Variants in MAP3K20 observed in about 807,000 individuals in gnomAD.
The protein encoded by MAP3K20 is mitogen-activated protein kinase kinase kinase 20, also known as HCCS-4.
A neutral mutation model predicts 85.7 loss-of-function variants in MAP3K20; 40 were observed. The observed-to-expected ratio is 0.47, with a 90% CI of 0.36 to 0.61. The LOEUF is 0.61. Among genes scored for constraint, MAP3K20 ranks in the 20% least tolerant of loss-of-function variants. The pLI is 0.00. For missense variants in MAP3K20, 817 were observed against 961.7 expected (o/e 0.85, Z 1.99); for synonymous variants, 325 against 327.7 (o/e 0.99, Z 0.09).
chr2:173,171,595 A>T (rs758734023), intron 3 of MAP3K20, among the ~76,000 whole-genome samples: 1 of 152,212 alleles, frequency 6.6e-6, no homozygotes, highest in Non-Finnish European at 1.5e-5. Flanking sequence ...CCCCTAGGTC[A>T]TCTCATCTGA....
rs775094923 is a variant in MAP3K20 at position 173,197,985 on chromosome 2, T to C, written c.583-41T>C. ...TCTCAGTAATATGTACCAAAAAATA[T>C]AAAGTACAAAAATAAAAATTCCATT... On this transcript the variant is annotated intron_variant, in intron 7 of 19. Transcript: ENST00000375213. 1.9e-6 allele frequency: 3 copies of C among 1,578,478 alleles called. No homozygotes were observed. In the Admixed American group the frequency reaches 5.2e-5, roughly 27 times the overall value.
chr2:173,229,809 G>T, intron 12 of MAP3K20, 76 bp downstream of exon 12: 1 of 1,503,240 alleles, frequency 6.7e-7, no homozygotes. Flanking sequence ...TTTAGGGGAA[G>T]AGATTGGGCC....
At chr2:173,264,031 C>G (rs1451587357) in intron 19 of MAP3K20, 136 bp downstream of exon 19, 16 of 1,263,316 alleles carry the variant, frequency 1.3e-5, no homozygotes, top group Non-Finnish European at 1.6e-5. Context: ...TAGCAGAAAA[C>G]CCAGTTGCAA....
chr2:173,222,259 G>A, intron 11 of MAP3K20: 1 of 985,848 alleles, frequency 1.0e-6, no homozygotes, highest in Non-Finnish European at 1.2e-6. Flanking sequence ...ACAATACTGA[G>A]ATGATCTAAG....
At chr2:173,123,443 G>A (rs1688355245) in intron 2 of MAP3K20, among the ~76,000 whole-genome samples, 1 of 152,206 alleles carries the variant, frequency 6.6e-6, no homozygotes, top group Non-Finnish European at 1.5e-5. Context: ...TGTGAAGCAT[G>A]TTGAGATTTA....
intron 3 of MAP3K20, among the ~76,000 whole-genome samples, chr2:173,170,287 C>T (rs2106250798): frequency 6.6e-6 from 1 of 152,238 alleles, no homozygotes; most frequent in South Asian, 2.1e-4. Flanking sequence ...ATTTTAATCC[C>T]ATTAGAGCAT....
At chr2:173,177,077 T>C (rs1169907153) in intron 3 of MAP3K20, among the ~76,000 whole-genome samples, 1 of 152,108 alleles carries the variant, frequency 6.6e-6, no homozygotes, top group South Asian at 2.1e-4. Flanking sequence ...AAAGGAGAAA[T>C]AGGCAATTCA....
intron 17 of MAP3K20, among the ~76,000 whole-genome samples, chr2:173,260,417 G>A (rs971011762): frequency 2.0e-5 from 3 of 152,178 alleles, no homozygotes; most frequent in African/African-American, 7.2e-5. Context: ...TTTGAACCCA[G>A]CTCACAGCCA....
intron 7 of MAP3K20, among the ~76,000 whole-genome samples, chr2:173,196,154 C>T (rs1440767782): frequency 2.0e-5 from 3 of 152,104 alleles, no homozygotes; most frequent in East Asian, 1.9e-4. Context: ...GGGTCTGGAG[C>T]GTTTGATTTA....
intron 16 of MAP3K20, among the ~76,000 whole-genome samples, chr2:173,250,963 A>C (rs1400206219): frequency 3.9e-5 from 6 of 152,210 alleles, no homozygotes; most frequent in Admixed American, 2.0e-4. Context: ...ATACTTAATG[A>C]TAAATAACCC....
At chr2:173,085,289 T>C (rs1687115865) in intron 1 of MAP3K20, among the ~76,000 whole-genome samples, 1 of 152,188 alleles carries the variant, frequency 6.6e-6, no homozygotes, top group South Asian at 2.1e-4. Flanking sequence ...GAGGTCAACA[T>C]GGATCTGAAA....
chr2:173,266,478 C>G lies in MAP3K20; in HGVS notation c.2131C>G (p.Pro711Ala). 4.3e-6 allele frequency: 7 copies of G among 1,613,944 alleles called. No individual in the cohort carries two copies. Among genetic ancestry groups the G allele is most frequent in the Non-Finnish European group, 5.9e-6 (7 of 1,179,988 alleles). Residue 711 changes from proline (P) to alanine (A), a missense_variant, in exon 20 of 20, where the codon CCT (proline) becomes GCT (alanine). Pro to Ala is a conservative substitution (Grantham distance 27). Coordinates refer to ENST00000375213, the MANE Select transcript of MAP3K20 (RefSeq NM_016653.3). Reference sequence around the variant, plus strand: ...TTCCACTCCTTCAAGAGGAAGATACCCTGGAAAGTTCTACAGGGTTTCTCA... The same window carrying G: ...TTCCACTCCTTCAAGAGGAAGATACGCTGGAAAGTTCTACAGGGTTTCTCA... ...QHSTPSRGRY[P>A]GKFYRVSQSA...
chr2:173,219,839 G>A (rs185649294), intron 11 of MAP3K20, among the ~76,000 whole-genome samples: 1 of 151,898 alleles, frequency 6.6e-6, no homozygotes, highest in African/African-American at 2.4e-5. Context: ...GAGGCTGAGG[G>A]GGGTGGATCA....
chr2:173,244,281 A>T (rs1262174427), intron 16 of MAP3K20, among the ~76,000 whole-genome samples: 2 of 152,218 alleles, frequency 1.3e-5, no homozygotes, highest in African/African-American at 4.8e-5. Context: ...GGAATGGGTG[A>T]GGTTCATCAG....
At chr2:173,224,028 T>C (rs530554941) in intron 11 of MAP3K20, 10 of 983,242 alleles carry the variant, frequency 1.0e-5, no homozygotes, top group South Asian at 4.7e-5. Context: ...TTCTGGAAGA[T>C]AGCTAGATGA....
At chr2:173,104,988 A>G (rs1687744327) in intron 2 of MAP3K20, among the ~76,000 whole-genome samples, 1 of 152,090 alleles carries the variant, frequency 6.6e-6, no homozygotes, top group Non-Finnish European at 1.5e-5. Context: ...GTGAGGGAGG[A>G]GAAACAAGAG....
intron 7 of MAP3K20, 79 bp downstream of exon 7, chr2:173,191,256 CA>C (rs1438543621): frequency 1.9e-6 from 3 of 1,563,144 alleles, no homozygotes; most frequent in African/African-American, 2.7e-5. Flanking sequence ...TACAGTTTAA[CA>C]TGGTTTTATT....
At chr2:173,111,801 G>A (rs1210104447) in intron 2 of MAP3K20, among the ~76,000 whole-genome samples, 2 of 152,190 alleles carry the variant, frequency 1.3e-5, no homozygotes, top group East Asian at 3.8e-4. Flanking sequence ...TTTTGGACCA[G>A]TGTCATGCTG....
chr2:173,232,508 G>A (rs774909517), intron 14 of MAP3K20, 49 bp downstream of exon 14: 3 of 1,597,222 alleles, frequency 1.9e-6, no homozygotes, highest in Non-Finnish European at 2.6e-6. Context: ...TTTTTTGTTT[G>A]TTTGGTTTTT....
Sources: allele counts gnomAD v4.1 joint callset (sites outside exome capture counted in the v4.1 genomes callset), GRCh38; gene constraint gnomAD v4.1.1; transcripts MANE v1.5; gene names NCBI Gene and HGNC (gene_info 2026-07-23, HGNC 2026-07-21).